Variants in DGKB observed in about 807,000 individuals in gnomAD.
DGKB encodes diacylglycerol kinase beta, also known as 90 kDa diacylglycerol kinase.
DGKB carries 67 observed loss-of-function variants against 114.3 expected under a neutral mutation model. The ratio of observed to expected loss-of-function variants is 0.59; its 90% CI spans 0.48 to 0.72. The LOEUF (loss-of-function observed/expected upper bound fraction) is 0.72, where lower values mean the gene tolerates loss of function less well. Among genes scored for constraint, DGKB ranks in the 30% least tolerant of loss-of-function variants. The pLI, the probability that DGKB is intolerant of heterozygous loss-of-function variation, is 0.00. For missense variants in DGKB, 907 were observed against 975.2 expected (o/e 0.93, Z 0.93); for synonymous variants, 398 against 323.1 (o/e 1.23, Z -2.49).
chr7:14,668,852 C>G (rs1818483445), intron 13 of DGKB, among the ~76,000 whole-genome samples: 1 of 152,126 alleles, frequency 6.6e-6, no homozygotes, highest in African/African-American at 2.4e-5. Flanking sequence ...CTGTACATCA[C>G]ATTTGCCAAA....
chr7:14,535,807 G>A (rs945658487), intron 20 of DGKB, among the ~76,000 whole-genome samples: 12 of 151,898 alleles, frequency 7.9e-5, no homozygotes, highest in African/African-American at 2.7e-4. Flanking sequence ...GGATGGTCTC[G>A]AACTCTTGCC....
At chr7:14,795,521 A>T (rs1841283951) in intron 2 of DGKB, among the ~76,000 whole-genome samples, 1 of 152,152 alleles carries the variant, frequency 6.6e-6, no homozygotes. Flanking sequence ...GTGAATAATA[A>T]ATTTGTCAGT....
At chr7:14,873,909 G>T (rs1388209611) in intron 1 of DGKB, among the ~76,000 whole-genome samples, 1 of 152,034 alleles carries the variant, frequency 6.6e-6, no homozygotes, top group Non-Finnish European at 1.5e-5. Flanking sequence ...TACATAAGCA[G>T]TTGGTATAAA....
At chr7:14,355,804 G>C (rs556129972) in intron 21 of DGKB, among the ~76,000 whole-genome samples, 4 of 152,140 alleles carry the variant, frequency 2.6e-5, no homozygotes, top group Non-Finnish European at 5.9e-5. Flanking sequence ...AATGAGTTAG[G>C]GAAGACTCCC....
intron 25 of DGKB, among the ~76,000 whole-genome samples, chr7:14,158,242 T>C (rs1211805684): frequency 6.6e-6 from 1 of 152,220 alleles, no homozygotes; most frequent in Non-Finnish European, 1.5e-5. Context: ...CTAACCCCTC[T>C]TCTATCTGAG....
At chr7:14,695,862 T>G (rs1036729988) in intron 8 of DGKB, among the ~76,000 whole-genome samples, 4 of 152,090 alleles carry the variant, frequency 2.6e-5, no homozygotes, top group African/African-American at 9.7e-5. Flanking sequence ...TGTGTACATT[T>G]GTTTACAATG....
rs1279428953 is a variant in DGKB at position 14,698,095 on chromosome 7, T to C, written c.591A>G (p.Pro197=). Residue 197 remains proline (P), a splice_region_variant and synonymous_variant, in exon 8 of 26, where the codon CCA becomes CCG. Coordinates refer to ENST00000402815, the MANE Select transcript of DGKB (RefSeq NM_001350709.2). ...ATAGTGAAATCATTCATATACCTAC[T>C]GGATTAAGTTCAGTGACATCCCACT... The part of the protein sequence containing the change: ...YLEWDVTELN[P]ILHEMMEEID... The C allele has an allele frequency of 1.3e-6, 2 of 1,526,220 alleles. No individual in the cohort carries two copies. The highest frequency in any genetic ancestry group is 2.0e-5 in the Admixed American group (1 of 50,912). 94.5% of individuals were successfully genotyped at this position (1,526,220 alleles called of 1,614,324 possible). A position where few individuals can be genotyped will look rare whatever the true frequency, so the allele number is the denominator to read the frequency against.
chr7:14,196,670 C>T (rs1217693878), intron 23 of DGKB, among the ~76,000 whole-genome samples: 1 of 151,992 alleles, frequency 6.6e-6, no homozygotes, highest in Non-Finnish European at 1.5e-5. Context: ...GCAGAGAAAT[C>T]TATTCCACAC....
chr7:14,617,604 C>T (rs1182837978), intron 15 of DGKB, among the ~76,000 whole-genome samples: 1 of 151,604 alleles, frequency 6.6e-6, no homozygotes, highest in Non-Finnish European at 1.5e-5. Flanking sequence ...GCTTATCTTT[C>T]CCACCAATAT....
chr7:14,601,211 C>T (rs1227910799), intron 17 of DGKB, among the ~76,000 whole-genome samples: 4 of 152,098 alleles, frequency 2.6e-5, no homozygotes, highest in African/African-American at 9.7e-5. Context: ...ATGGAGTGGC[C>T]CAGGAGTGCT....
intron 1 of DGKB, among the ~76,000 whole-genome samples, chr7:14,863,230 T>C (rs1007027925): frequency 2.0e-5 from 3 of 151,750 alleles, no homozygotes; most frequent in African/African-American, 7.2e-5. Context: ...TGTGTGTGAA[T>C]TGTCTCTTCA....
At chr7:14,937,801 C>T (rs1215191954) in intron 1 of DGKB, among the ~76,000 whole-genome samples, 2 of 152,144 alleles carry the variant, frequency 1.3e-5, no homozygotes, top group Non-Finnish European at 1.5e-5. Flanking sequence ...CTTCAGCCTA[C>T]TCATTGTGAA....
intron 2 of DGKB, among the ~76,000 whole-genome samples, chr7:14,782,000 T>C (rs1839169318): frequency 6.6e-6 from 1 of 151,742 alleles, no homozygotes; most frequent in Non-Finnish European, 1.5e-5. Context: ...GTAGAAAGCA[T>C]TTTTTTAAAA....
intron 12 of DGKB, 55 bp from the exon 13 acceptor site, chr7:14,673,082 G>A: frequency 2.1e-6 from 2 of 965,684 alleles, no homozygotes; most frequent in Non-Finnish European, 1.6e-6. Context: ...CGCCTAACAT[G>A]GGGGAGATTA....
Position 14,274,143 on chromosome 7 carries a change from G to C in DGKB, c.2122+64372C>G, listed in dbSNP as rs17168038. Among the ~76,000 whole-genome samples the C allele has an allele frequency of 0.011, 1,740 of 152,198 alleles. 59 individuals are homozygous for C. The East Asian group carries it at 0.13, about 11-fold the overall frequency. On this transcript the variant is annotated intron_variant, in intron 23 of 25. Transcript: ENST00000402815. ...TACAGTAGCAGGTGATTGCCAGTTT[G>C]GTCAATGAATGGCTGTTAGCTCCTG...
At chr7:14,556,858 A>T (rs1434544814) in intron 20 of DGKB, among the ~76,000 whole-genome samples, 1 of 152,072 alleles carries the variant, frequency 6.6e-6, no homozygotes, top group Non-Finnish European at 1.5e-5. Context: ...AATTGGAGAA[A>T]CTTTCCCTTT....
chr7:14,845,218 C>A (rs1448220894), intron 1 of DGKB, among the ~76,000 whole-genome samples: 1 of 151,702 alleles, frequency 6.6e-6, no homozygotes, highest in Non-Finnish European at 1.5e-5. Flanking sequence ...GGTGAACTGC[C>A]ATCCTTAGAT....
chr7:14,683,983 G>A (rs539364946), intron 10 of DGKB, among the ~76,000 whole-genome samples: 2 of 152,134 alleles, frequency 1.3e-5, no homozygotes, highest in East Asian at 1.9e-4. Context: ...TTAACAGACT[G>A]TACCATAAAA....
intron 19 of DGKB, among the ~76,000 whole-genome samples, chr7:14,577,269 T>C (rs192965817): frequency 3.0e-4 from 46 of 152,310 alleles, no homozygotes; most frequent in Admixed American, 2.6e-3. Flanking sequence ...TAAAAAGTCA[T>C]AGAAATTTTT....
Sources: gnomAD v4.1 joint callset for allele counts (sites outside exome capture counted in the v4.1 genomes callset) on GRCh38, gnomAD v4.1.1 for gene constraint, MANE v1.5 for transcripts, NCBI Gene and HGNC (gene_info 2026-07-23, HGNC 2026-07-21) for gene names.